ANKRD28: variants seen among roughly 807,000 people sequenced by gnomAD.
The protein encoded by ANKRD28 is serine/threonine-protein phosphatase 6 regulatory ankyrin repeat subunit A.
In ANKRD28, 44 loss-of-function variants were observed where a neutral mutation model predicts 126.5. The ratio of observed to expected loss-of-function variants is 0.35; its 90% CI spans 0.27 to 0.45. ANKRD28 has a LOEUF of 0.45. Ranked by LOEUF, ANKRD28 falls within the 20% of genes least tolerant of loss-of-function variation. The pLI, the probability that ANKRD28 is intolerant of heterozygous loss-of-function variation, is 1.00. For missense variants in ANKRD28, 1,110 were observed against 1,316.6 expected (o/e 0.84, Z 2.43); for synonymous variants, 442 against 468.5 (o/e 0.94, Z 0.73).
intron 2 of ANKRD28, among the ~76,000 whole-genome samples, chr3:15,774,400 C>G (rs951298865): frequency 2.0e-5 from 3 of 152,004 alleles, no homozygotes; most frequent in Admixed American, 2.0e-4. Flanking sequence ...AAAGAACTCT[C>G]AAAACTCAAA....
intron 17 of ANKRD28, among the ~76,000 whole-genome samples, chr3:15,694,285 G>A (rs1056099150): frequency 6.6e-6 from 1 of 152,198 alleles, no homozygotes; most frequent in East Asian, 1.9e-4. Flanking sequence ...TATAGTGTGA[G>A]CAACTAAAGG....
intron 14 of ANKRD28, 136 bp from the exon 15 acceptor site, chr3:15,696,381 A>G (rs1575202753): frequency 1.8e-6 from 1 of 546,030 alleles, no homozygotes; most frequent in East Asian, 3.1e-5. Context: ...ATTACACTAT[A>G]AAAATGTCAT....
Position 15,739,024 on chromosome 3 carries a change from G to A in ANKRD28, c.352-1791C>T, listed in dbSNP as rs536180305. On this transcript the variant is annotated intron_variant, in intron 4 of 27. Coordinates refer to ENST00000683139, the MANE Select transcript of ANKRD28 (RefSeq NM_001349278.2). ...AGATAAATATGGCTCTGTTCCGCCC[G>A]GCTCTCAGGCAGCCTGACCTAATGG... 3.7e-4 allele frequency among the ~76,000 whole-genome samples: 57 copies of A among 152,124 alleles called. 1 individual carries two copies. The highest frequency in any genetic ancestry group is 1.2e-3 in the Admixed American group (18 of 15,274).
At chr3:15,792,889 T>A (rs2060101137) in intron 2 of ANKRD28, among the ~76,000 whole-genome samples, 1 of 152,088 alleles carries the variant, frequency 6.6e-6, no homozygotes, top group Admixed American at 6.6e-5. Flanking sequence ...AAGAAAAATC[T>A]ATTAGGTGTG....
At chr3:15,803,087 C>T (rs928011116) in intron 1 of ANKRD28, among the ~76,000 whole-genome samples, 1 of 152,138 alleles carries the variant, frequency 6.6e-6, no homozygotes, top group Non-Finnish European at 1.5e-5. Flanking sequence ...GATAGAGAGG[C>T]CTTGTAAACC....
chr3:15,831,685 A>G (rs2061194003), intron 1 of ANKRD28, among the ~76,000 whole-genome samples: 1 of 152,124 alleles, frequency 6.6e-6, no homozygotes. Context: ...TTTTAGCTCT[A>G]CCTTCCTGCC....
rs1332516101 is a variant in ANKRD28, at chr3:15,686,239, A to T, written c.2034T>A (p.Ile678=). Residue 678 remains isoleucine, a synonymous_variant, in exon 19 of 28, where the codon ATT becomes ATA. Coordinates refer to ENST00000683139, the MANE Select transcript of ANKRD28 (RefSeq NM_001349278.2). The stretch of plus-strand genomic sequence containing the variant: ...AAACTTACTGTCCATTTCCATCTTG[A>T]ATATCCACTGCATTCTGTGGTTCTG... ...GNAEPQNAVD[I]QDGNGQTPLM... 1 of 1,593,176 alleles carries T rather than the reference A, an allele frequency of 6.3e-7. No individual in the cohort carries two copies. Among genetic ancestry groups the T allele is most frequent in the Non-Finnish European group, 8.6e-7 (1 of 1,168,440 alleles).
chr3:15,705,954 C>T (rs2071298922), intron 14 of ANKRD28, among the ~76,000 whole-genome samples: 1 of 152,024 alleles, frequency 6.6e-6, no homozygotes, highest in South Asian at 2.1e-4. Flanking sequence ...TAAACTGAGA[C>T]TGCAGCACTG....
intron 1 of ANKRD28, among the ~76,000 whole-genome samples, chr3:15,822,008 C>T (rs2060951979): frequency 6.6e-6 from 1 of 151,970 alleles, no homozygotes; most frequent in Non-Finnish European, 1.5e-5. Flanking sequence ...ATCTAAAGAC[C>T]CAGGAAGGAA....
intron 4 of ANKRD28, among the ~76,000 whole-genome samples, chr3:15,738,169 C>A (rs1458426243): frequency 6.6e-6 from 1 of 152,112 alleles, no homozygotes; most frequent in African/African-American, 2.4e-5. Context: ...TATCGGGGAA[C>A]CTGCCCCCAA....
chr3:15,833,171 G>T lies in ANKRD28; in HGVS notation c.27+26206C>A, dbSNP rs1310251565. Among the ~76,000 whole-genome samples, 2 of 152,134 alleles carry T rather than the reference G, an allele frequency of 1.3e-5. No homozygotes were observed. The highest frequency in any genetic ancestry group is 2.9e-5 in the Non-Finnish European group (2 of 68,022). ...GTGTGTCTGTGAGGGTGCTGCCAAA[G>T]GAGATTAACATTTAAGTCAGTGGGC... On this transcript the variant is annotated intron_variant, in intron 1 of 27. Coordinates refer to the ANKRD28 transcript ENST00000399451. The surrounding 1 kb of genome is among the most constrained non-coding windows in gnomAD (Gnocchi z 4.4).
intron 11 of ANKRD28, 92 bp downstream of exon 11, chr3:15,712,048 C>T (rs1393660545): frequency 1.0e-6 from 1 of 974,194 alleles, no homozygotes; most frequent in Non-Finnish European, 1.6e-6. Flanking sequence ...CTGGACCCAT[C>T]TGCATTAATT....
At chr3:15,719,161 T>G (rs541259453) in intron 8 of ANKRD28, among the ~76,000 whole-genome samples, 1 of 152,232 alleles carries the variant, frequency 6.6e-6, no homozygotes, top group Non-Finnish European at 1.5e-5. Context: ...GGGTGTAGTA[T>G]GTATACATTT....
At chr3:15,798,776 T>C (rs946613000), upstream of ANKRD28, among the ~76,000 whole-genome samples, 14 of 152,116 alleles carry the variant, frequency 9.2e-5, no homozygotes, top group Admixed American at 3.9e-4. Flanking sequence ...ATCGTTTTTT[T>C]TCTTCTTTCT....
intron 1 of ANKRD28, among the ~76,000 whole-genome samples, chr3:15,821,753 T>C (rs1026339053): frequency 2.0e-5 from 3 of 152,234 alleles, no homozygotes; most frequent in Non-Finnish European, 2.9e-5. Flanking sequence ...GCATCCATGA[T>C]AGCAGCCCAC....
chr3:15,745,382 G>A (rs2057407959), intron 4 of ANKRD28, among the ~76,000 whole-genome samples: 1 of 152,152 alleles, frequency 6.6e-6, no homozygotes, highest in South Asian at 2.1e-4. Flanking sequence ...ACCTTGAGTT[G>A]ATTTTTGTAT....
At chr3:15,706,502 G>C (rs1013842726) in intron 14 of ANKRD28, among the ~76,000 whole-genome samples, 1 of 152,134 alleles carries the variant, frequency 6.6e-6, no homozygotes, top group East Asian at 1.9e-4. Flanking sequence ...ATGGACATTT[G>C]GGGTGGTTCC....
intron 1 of ANKRD28, among the ~76,000 whole-genome samples, chr3:15,857,290 T>C (rs181651632): frequency 6.6e-6 from 1 of 152,180 alleles, no homozygotes; most frequent in African/African-American, 2.4e-5. Flanking sequence ...GTGACATTTA[T>C]TTATTTATTT....
intron 13 of ANKRD28, among the ~76,000 whole-genome samples, chr3:15,709,342 T>C (rs951582054): frequency 2.6e-5 from 4 of 152,134 alleles, no homozygotes; most frequent in Admixed American, 6.6e-5. Context: ...CTAGGTATTG[T>C]GAGTTTCTTG....
Sources: allele counts gnomAD v4.1 joint callset (sites outside exome capture counted in the v4.1 genomes callset), GRCh38; gene constraint gnomAD v4.1.1; non-coding constraint Gnocchi (gnomAD v3.1); transcripts MANE v1.5; gene names NCBI Gene and HGNC (gene_info 2026-07-23, HGNC 2026-07-21).